NKAIN3: variants seen among roughly 807,000 people sequenced by gnomAD.
NKAIN3 encodes sodium/potassium-transporting ATPase subunit beta-1-interacting protein 3.
NKAIN3 carries 25 observed loss-of-function variants against 30.2 expected under a neutral mutation model. The observed-to-expected ratio is 0.83, with a 90% confidence interval of 0.60 to 1.16. The LOEUF (loss-of-function observed/expected upper bound fraction) is 1.16. Ranked by LOEUF, NKAIN3 falls within the 50% of genes most tolerant of loss-of-function variation. The pLI is 0.00. For missense variants in NKAIN3, 225 were observed against 254.1 expected, an observed-to-expected ratio of 0.89 and a Z score of 0.78; for synonymous variants, 91 against 89.6, an observed-to-expected ratio of 1.02 and a Z score of -0.09.
At chr8:62,577,838 C>T (rs570137881) in intron 1 of NKAIN3, among the ~76,000 whole-genome samples, 3 of 151,746 alleles carry the variant, frequency 2.0e-5, no homozygotes, top group African/African-American at 4.8e-5. Flanking sequence ...CAGGAAATAC[C>T]CGTGAAATGA....
intron 4 of NKAIN3, among the ~76,000 whole-genome samples, chr8:62,775,507 T>G (rs2130643829): frequency 6.6e-6 from 1 of 152,234 alleles, no homozygotes; most frequent in Non-Finnish European, 1.5e-5. Flanking sequence ...ATTATTTATT[T>G]GAAGTTTTTC....
At chr8:62,300,359 T>C (rs1057248226) in intron 1 of NKAIN3, among the ~76,000 whole-genome samples, 39 of 152,142 alleles carry the variant, frequency 2.6e-4, no homozygotes, top group African/African-American at 9.2e-4. Flanking sequence ...CTGCTGTTAT[T>C]TCACTTAACT....
intron 3 of NKAIN3, among the ~76,000 whole-genome samples, chr8:62,691,936 C>A (rs1813980606): frequency 6.6e-6 from 1 of 152,136 alleles, no homozygotes; most frequent in Non-Finnish European, 1.5e-5. Context: ...ATTCATGTGT[C>A]CATGGCCAGC....
chr8:62,991,600 A>G (rs917231874), intron 5 of NKAIN3, among the ~76,000 whole-genome samples: 3 of 152,304 alleles, frequency 2.0e-5, no homozygotes, highest in African/African-American at 7.2e-5. Context: ...TTGCTTCCAG[A>G]TTATGTAGAA....
intron 1 of NKAIN3, among the ~76,000 whole-genome samples, chr8:62,252,968 G>A (rs1412702545): frequency 1.3e-5 from 2 of 152,172 alleles, no homozygotes; most frequent in Non-Finnish European, 2.9e-5. Flanking sequence ...CCTCAGTGAA[G>A]CACTGAACTA....
At chr8:62,388,218 G>A (rs1817485841) in intron 1 of NKAIN3, among the ~76,000 whole-genome samples, 1 of 152,182 alleles carries the variant, frequency 6.6e-6, no homozygotes, top group Admixed American at 6.5e-5. Flanking sequence ...CCTGTTATCT[G>A]AAAGGCCTTA....
At chr8:62,455,772 T>G (rs1204036137) in intron 1 of NKAIN3, among the ~76,000 whole-genome samples, 2 of 152,184 alleles carry the variant, frequency 1.3e-5, no homozygotes, top group Non-Finnish European at 2.9e-5. Flanking sequence ...CACACAAAAA[T>G]AAAATTGCAA....
At chr8:62,833,442 A>G (rs1006548092) in intron 4 of NKAIN3, among the ~76,000 whole-genome samples, 1 of 152,014 alleles carries the variant, frequency 6.6e-6, no homozygotes, top group Admixed American at 6.6e-5. Flanking sequence ...ATTAACAAAG[A>G]AAAAAAGAAA....
chr8:62,895,645 G>C (rs567953177), intron 4 of NKAIN3, among the ~76,000 whole-genome samples: 1 of 152,122 alleles, frequency 6.6e-6, no homozygotes, highest in Admixed American at 6.6e-5. Context: ...TATCCTAGGC[G>C]GGGTATCTGT....
intron 1 of NKAIN3, among the ~76,000 whole-genome samples, chr8:62,515,170 A>G (rs940274449): frequency 1.3e-5 from 2 of 152,162 alleles, no homozygotes; most frequent in African/African-American, 4.8e-5. Flanking sequence ...TTTTAAGAAA[A>G]GAAAATTGTG....
At chr8:62,298,344 A>G (rs971744270) in intron 1 of NKAIN3, among the ~76,000 whole-genome samples, 1 of 152,124 alleles carries the variant, frequency 6.6e-6, no homozygotes, top group East Asian at 1.9e-4. Context: ...AAAATAAAGG[A>G]TCTTTCAAAG....
intron 3 of NKAIN3, among the ~76,000 whole-genome samples, chr8:62,623,577 T>A (rs1453796553): frequency 6.6e-6 from 1 of 152,112 alleles, no homozygotes; most frequent in African/African-American, 2.4e-5. Context: ...TCACTTATCC[T>A]CTGATGCTCT....
At chr8:62,300,965 A>G (rs58402023) in intron 1 of NKAIN3, among the ~76,000 whole-genome samples, 8 of 152,140 alleles carry the variant, frequency 5.3e-5, no homozygotes, top group Admixed American at 2.0e-4. Flanking sequence ...AATATACATT[A>G]TAATAGTAGT....
At chr8:62,530,805 A>AT (rs1808463685) in intron 1 of NKAIN3, among the ~76,000 whole-genome samples, 2 of 151,700 alleles carry the variant, frequency 1.3e-5, no homozygotes, top group Admixed American at 6.6e-5. Context: ...CACCTGGCTA[A>AT]TTTTTTGTAT....
chr8:62,812,647 T>A (rs944893028), intron 4 of NKAIN3, among the ~76,000 whole-genome samples: 6 of 151,838 alleles, frequency 4.0e-5, no homozygotes, highest in Non-Finnish European at 7.4e-5. Flanking sequence ...TAGACAATTA[T>A]GTCATCTGCA....
intron 1 of NKAIN3, among the ~76,000 whole-genome samples, chr8:62,444,778 C>T (rs1475369085): frequency 2.6e-5 from 4 of 152,042 alleles, no homozygotes. Flanking sequence ...TATGAAAAAC[C>T]TCCATACACT....
intron 1 of NKAIN3, among the ~76,000 whole-genome samples, chr8:62,252,061 A>G (rs139076383): frequency 6.8e-4 from 104 of 152,334 alleles, no homozygotes; most frequent in African/African-American, 2.4e-3. Flanking sequence ...CTGAGCCCGT[A>G]TAAGCCTGCT....
At chr8:62,517,220 G>A (rs951317632) in intron 1 of NKAIN3, among the ~76,000 whole-genome samples, 4 of 152,052 alleles carry the variant, frequency 2.6e-5, no homozygotes, top group African/African-American at 9.7e-5. Flanking sequence ...TAATGCTGTT[G>A]ACGCAAGTAC....
chr8:62,525,868 T>C (rs574046518), intron 1 of NKAIN3, among the ~76,000 whole-genome samples: 5 of 152,262 alleles, frequency 3.3e-5, no homozygotes, highest in African/African-American at 1.2e-4. Flanking sequence ...AAAATTGGAG[T>C]TAAGTATTCA....
Sources: gnomAD v4.1 joint callset for allele counts (sites outside exome capture counted in the v4.1 genomes callset) on GRCh38, gnomAD v4.1.1 for gene constraint, MANE v1.5 for transcripts, NCBI Gene and HGNC (gene_info 2026-07-23, HGNC 2026-07-21) for gene names.